TSPO: variants seen among roughly 807,000 people sequenced by gnomAD.
TSPO encodes the protein benzodiazepine peripheral binding site.
In TSPO, 14 loss-of-function variants were observed where a neutral mutation model predicts 13.9. That is an observed-to-expected ratio of 1.01 (90% CI 0.67 to 1.58). TSPO has a LOEUF of 1.58. Ranked by LOEUF, TSPO falls within the 40% of genes most tolerant of loss-of-function variation. TSPO has a pLI of 0.00. For synonymous variants in TSPO, 114 were observed against 105.9 expected (o/e 1.08, Z -0.47); for missense variants, 232 against 229.6 (o/e 1.01, Z -0.07).
At chr22:43,153,852 G>A (rs1931169079) in intron 1 of TSPO, among the ~76,000 whole-genome samples, 2 of 150,950 alleles carry the variant, frequency 1.3e-5, no homozygotes, top group Admixed American at 1.3e-4. Context: ...GGCTCCAGCT[G>A]GGCTCACTGC....
chr22:43,161,250 G>A, intron 3 of TSPO, 60 bp downstream of exon 3: 2 of 1,568,580 alleles, frequency 1.3e-6, no homozygotes, highest in Non-Finnish European at 1.7e-6. Flanking sequence ...AGGACGTGGG[G>A]CATCACATAT....
intron 1 of TSPO, among the ~76,000 whole-genome samples, chr22:43,153,262 G>C (rs1036494221): frequency 6.6e-6 from 1 of 150,512 alleles, no homozygotes; most frequent in Non-Finnish European, 1.5e-5. Flanking sequence ...GGGCTCAAGC[G>C]ATCCTCCCAC....
Position 43,159,404 on chromosome 22 carries a change from C to A in TSPO, c.166C>A (p.Leu56Ile). The change falls in exon 2 of 4, where the codon CTC becomes ATC. Residue 56 changes from leucine to isoleucine, a missense_variant. Coordinates refer to ENST00000337554, the MANE Select transcript of TSPO (RefSeq NM_000714.6). ...HWVLGPVWGT[L>I]YSAMGYGSYL... ...GGTGCTGGGCCCTGTCTGGGGCACG[C>A]TCTACTCAGCCATGGGGTAGGTGGG... The A allele has an allele frequency of 6.5e-7, 1 of 1,529,688 alleles. No individual in the cohort carries two copies. Among genetic ancestry groups the A allele is most frequent in the Non-Finnish European group, 8.8e-7 (1 of 1,139,050 alleles). The allele number at this position is 1,529,688 out of a possible 1,614,324, so 94.8% of individuals were successfully genotyped here.
rs1931510471 is a variant in TSPO, at chr22:43,163,136, C to T, written c.*145C>T. The T allele has an allele frequency of 6.8e-7, 1 of 1,471,888 alleles. No homozygotes were observed. Among genetic ancestry groups the T allele is most frequent in the Non-Finnish European group, 9.0e-7 (1 of 1,113,276 alleles). The allele number at this position is 1,471,888 out of a possible 1,614,324, so 91.2% of individuals were successfully genotyped here. On this transcript the variant is annotated 3_prime_UTR_variant, in exon 4 of 4. Transcript: ENST00000337554. ...GTCAGCAGAGCTTCAGAGGTGGCCCCACCTGAGCCCCCACCCGGGAGCAGT... is the reference window on the plus strand; with the variant it reads ...GTCAGCAGAGCTTCAGAGGTGGCCCTACCTGAGCCCCCACCCGGGAGCAGT...
Position 43,159,191 on chromosome 22 carries a change from G to A in TSPO, c.-29-19G>A. On this transcript the variant is annotated intron_variant, in intron 1 of 3. Transcript: ENST00000337554. ...ATGGCCTCAGGAATGCCCTCACCCA[G>A]CCCTGTCTTCTCTTTCAGAGCTCCC... The A allele has an allele frequency of 6.8e-7, 1 of 1,474,996 alleles. No homozygotes were observed. Among genetic ancestry groups the A allele is most frequent in the Non-Finnish European group, 9.0e-7 (1 of 1,107,356 alleles). The allele number at this position is 1,474,996 out of a possible 1,614,324, so 91.4% of individuals were successfully genotyped here.
intron 3 of TSPO, among the ~76,000 whole-genome samples, chr22:43,162,348 C>A (rs1931468250): frequency 6.6e-6 from 1 of 152,152 alleles, no homozygotes. Flanking sequence ...TCTTGAACTC[C>A]TGACCTCAGG....
intron 3 of TSPO, 121 bp downstream of exon 3, chr22:43,161,311 T>A (rs1208943760): frequency 7.2e-7 from 1 of 1,391,570 alleles, no homozygotes; most frequent in Non-Finnish European, 9.6e-7. Flanking sequence ...AAAGGCCATG[T>A]CTCTCTAGCT....
rs766940905 is a variant in TSPO, at chr22:43,161,049, C to T, written c.183-3C>T. Reference sequence around the variant, plus strand: ...GTGCTCTGAACTGCGGCCTCTGTTTCAGGTACGGCTCCTACCTGGTCTGGA... The same window carrying T: ...GTGCTCTGAACTGCGGCCTCTGTTTTAGGTACGGCTCCTACCTGGTCTGGA... On this transcript the variant is annotated splice_polypyrimidine_tract_variant and splice_region_variant and intron_variant, in intron 2 of 3. Coordinates refer to ENST00000337554, the MANE Select transcript of TSPO (RefSeq NM_000714.6). 3.1e-6 allele frequency: 5 copies of T among 1,611,352 alleles called. No homozygotes were observed. The South Asian group carries it at 3.3e-5, about 11-fold the overall frequency.
chr22:43,163,043 G>T lies in TSPO; in HGVS notation c.*52G>T, dbSNP rs868217355. 1.3e-6 allele frequency: 2 copies of T among 1,569,088 alleles called. No individual in the cohort carries two copies. The highest frequency in any genetic ancestry group is 1.7e-6 in the Non-Finnish European group (2 of 1,157,432). On this transcript the variant is annotated 3_prime_UTR_variant, in exon 4 of 4. Transcript: ENST00000337554. Reference sequence around the variant, plus strand: ...TGCACCAGCAGGTGCCATCACGCTTGTGATGTGGTGGCCGTCACGCTTTCA... The same window carrying T: ...TGCACCAGCAGGTGCCATCACGCTTTTGATGTGGTGGCCGTCACGCTTTCA...
At position 43,159,513 on chromosome 22, in the gene TSPO, G is replaced by T. The variant is rs906108775; in HGVS notation, c.182+93G>T. On this transcript the variant is annotated intron_variant, in intron 2 of 3. Coordinates refer to ENST00000337554, the MANE Select transcript of TSPO (RefSeq NM_000714.6). ...GAGGGTCTTCTCCAGGCGGGCCATG[G>T]ACCATGGCATGGTTTCCCCAGCCCC... is the stretch of plus-strand genomic sequence containing the variant. 24 of 1,274,464 alleles carry T rather than the reference G, an allele frequency of 1.9e-5. No individual in the cohort carries two copies. In the African/African-American group the frequency reaches 3.4e-4, roughly 18 times the overall value. The allele number at this position is 1,274,464 out of a possible 1,614,324, so 78.9% of individuals were successfully genotyped here. A position where few individuals can be genotyped will look rare whatever the true frequency, so the allele number is the denominator to read the frequency against.
In TSPO at chr22:43,163,034, A is replaced by G; in HGVS notation, c.*43A>G. On this transcript the variant is annotated 3_prime_UTR_variant, in exon 4 of 4. Coordinates refer to ENST00000337554, the MANE Select transcript of TSPO (RefSeq NM_000714.6). ...GACTGCAGCTGCACCAGCAGGTGCC[A>G]TCACGCTTGTGATGTGGTGGCCGTC... The G allele has an allele frequency of 6.4e-7, 1 of 1,572,696 alleles. No homozygotes were observed. Among genetic ancestry groups the G allele is most frequent in the African/African-American group, 1.3e-5 (1 of 74,162 alleles).
Position 43,151,599 on chromosome 22 carries a change from C to G in TSPO, c.-35C>G, listed in dbSNP as rs1448521439. The G allele has an allele frequency of 2.6e-5, 4 of 152,238 alleles. No homozygotes were observed. The highest frequency in any genetic ancestry group is 4.8e-5 in the African/African-American group (2 of 41,434). 9.4% of individuals were successfully genotyped at this position (152,238 alleles called of 1,614,324 possible). A position where few individuals can be genotyped will look rare whatever the true frequency, so the allele number is the denominator to read the frequency against. Reference sequence around the variant, plus strand: ...GTGCCCTTCCCGGAGCGTGCCCTCGCCGCTGGTGAGTGAGGACGGGACGCG... The same window carrying G: ...GTGCCCTTCCCGGAGCGTGCCCTCGGCGCTGGTGAGTGAGGACGGGACGCG... On this transcript the variant is annotated 5_prime_UTR_variant, in exon 1 of 4. Coordinates refer to ENST00000337554, the MANE Select transcript of TSPO (RefSeq NM_000714.6).
At chr22:43,153,105 CTTTCTCTTTCTCTTTTTTTCTTT>C (rs1931137956) in intron 1 of TSPO, among the ~76,000 whole-genome samples, 2 of 77,258 alleles carry the variant, frequency 2.6e-5, no homozygotes, top group African/African-American at 1.4e-4. Flanking sequence ...TCCTTCTTTC[CTTTCTCTTTCTCTTTTTTTCTTT>C]CTTCCCCTTC....
At position 43,159,331 on chromosome 22, in the gene TSPO, C is replaced by T. The variant is rs9333332; in HGVS notation, c.93C>T (p.Leu31=). Residue 31 remains leucine (L), a synonymous_variant, in exon 2 of 4, where the codon CTC becomes CTT. Coordinates refer to ENST00000337554, the MANE Select transcript of TSPO (RefSeq NM_000714.6). Reference sequence around the variant, plus strand: ...CCCGCTTTGTCCACGGCGAGGGTCTCCGCTGGTACGCCGGCCTGCAGAAGC... The same window carrying T: ...CCCGCTTTGTCCACGGCGAGGGTCTTCGCTGGTACGCCGGCCTGCAGAAGC... ...VGSRFVHGEG[L]RWYAGLQKPS... is the part of the protein sequence containing the mutation. 191 of 1,548,660 alleles carry T rather than the reference C, an allele frequency of 1.2e-4. No homozygotes were observed. In the African/African-American group the frequency reaches 2.2e-3, roughly 18 times the overall value.
chr22:43,163,128 G>A lies in TSPO; in HGVS notation c.*137G>A. On this transcript the variant is annotated 3_prime_UTR_variant, in exon 4 of 4. Transcript: ENST00000337554. Reference sequence around the variant, plus strand: ...GCCCAGGGGTCAGCAGAGCTTCAGAGGTGGCCCCACCTGAGCCCCCACCCG... The same window carrying A: ...GCCCAGGGGTCAGCAGAGCTTCAGAAGTGGCCCCACCTGAGCCCCCACCCG... 6.7e-7 allele frequency: 1 copy of A among 1,489,090 alleles called. No homozygotes were observed. The highest frequency in any genetic ancestry group is 8.9e-7 in the Non-Finnish European group (1 of 1,119,594). The allele number at this position is 1,489,090 out of a possible 1,614,324, so 92.2% of individuals were successfully genotyped here.
rs375039721 is a variant in TSPO at position 43,159,343 on chromosome 22, C to T, written c.105C>T (p.Ala35=). 4.0e-5 allele frequency: 62 copies of T among 1,547,472 alleles called. No individual in the cohort carries two copies. The highest frequency in any genetic ancestry group is 1.2e-4 in the Admixed American group (6 of 50,868). ...FVHGEGLRWY[A]GLQKPSWHPP... ...ACGGCGAGGGTCTCCGCTGGTACGC[C>T]GGCCTGCAGAAGCCCTCGTGGCACC... The change falls in exon 2 of 4, where the codon GCC becomes GCT. Residue 35 remains alanine (A), a synonymous_variant. Coordinates refer to ENST00000337554, the MANE Select transcript of TSPO (RefSeq NM_000714.6).
intron 1 of TSPO, among the ~76,000 whole-genome samples, chr22:43,153,497 G>A (rs377402141): frequency 1.2e-5 from 1 of 82,274 alleles, no homozygotes; most frequent in African/African-American, 3.7e-5. Context: ...GACTACAGGC[G>A]CCTGCCACCG....
intron 2 of TSPO, among the ~76,000 whole-genome samples, chr22:43,160,513 G>A (rs1359009161): frequency 6.6e-6 from 1 of 152,188 alleles, no homozygotes; most frequent in African/African-American, 2.4e-5. Context: ...TGGCTCCTGT[G>A]AGTGCTGGAG....
At chr22:43,162,126 A>AG (rs1931460614) in intron 3 of TSPO, among the ~76,000 whole-genome samples, 1 of 138,296 alleles carries the variant, frequency 7.2e-6, no homozygotes, top group African/African-American at 2.7e-5. Context: ...AATTTTCTGT[A>AG]TTTTTTTTTT....
Sources: gnomAD v4.1 joint callset for allele counts (sites outside exome capture counted in the v4.1 genomes callset) on GRCh38, gnomAD v4.1.1 for gene constraint, MANE v1.5 for transcripts, NCBI Gene and HGNC (gene_info 2026-07-23, HGNC 2026-07-21) for gene names.